The following SAV1 variants were observed in gnomAD, a reference collection of about 807,000 sequenced individuals.
SAV1 encodes the protein protein salvador homolog 1.
SAV1 carries 23 observed loss-of-function variants against 47.3 expected under a neutral mutation model. The observed-to-expected ratio is 0.49, with a 90% CI of 0.35 to 0.69. The LOEUF is 0.69. Among genes scored for constraint, SAV1 ranks in the 30% least tolerant of loss-of-function variants. The pLI, the probability that SAV1 is intolerant of heterozygous loss-of-function variation, is 0.01. For missense variants in SAV1, 448 were observed against 457.4 expected, an observed-to-expected ratio of 0.98 and a Z score of 0.19; for synonymous variants, 155 against 159.2, an observed-to-expected ratio of 0.97 and a Z score of 0.20.
chr14:50,648,006 A>G (rs2039736724), intron 2 of SAV1, among the ~76,000 whole-genome samples: 1 of 152,252 alleles, frequency 6.6e-6, no homozygotes, highest in Admixed American at 6.5e-5. Flanking sequence ...ATTTACAATG[A>G]CTGTATTCAT....
intron 4 of SAV1, among the ~76,000 whole-genome samples, chr14:50,635,745 A>G (rs758156391): frequency 2.6e-5 from 4 of 152,100 alleles, no homozygotes; most frequent in Admixed American, 6.5e-5. Context: ...GAGTCTTGCT[A>G]TGTCACCAGG....
intron 2 of SAV1, among the ~76,000 whole-genome samples, chr14:50,650,883 C>G (rs1234553031): frequency 6.6e-6 from 1 of 152,116 alleles, no homozygotes; most frequent in African/African-American, 2.4e-5. Flanking sequence ...ATTAGCTGGG[C>G]GTGGCGGCAC....
chr14:50,656,421 C>G (rs1236243772), intron 2 of SAV1, among the ~76,000 whole-genome samples: 2 of 149,726 alleles, frequency 1.3e-5, no homozygotes, highest in African/African-American at 2.5e-5. Flanking sequence ...TTAATAATTT[C>G]AAAACATACC....
Position 50,667,876 on chromosome 14 carries a change from C to A in SAV1, c.92G>T (p.Arg31Leu). 6.2e-7 allele frequency: 1 copy of A among 1,612,890 alleles called. No homozygotes were observed. The highest frequency in any genetic ancestry group is 8.5e-7 in the Non-Finnish European group (1 of 1,179,260). ...GGCACGCCCCGCCTGACACTCACTCCGAAGCAGAGGCGACGTCTCCTTCTT... is the reference window on the plus strand; with the variant it reads ...GGCACGCCCCGCCTGACACTCACTCAGAAGCAGAGGCGACGTCTCCTTCTT... ...YVKKETSPLL[R>L]NLMPSFIRHG... The change falls in exon 1 of 5, where the codon CGG becomes CTG. Residue 31 changes from arginine (R) to leucine (L), a missense_variant and splice_region_variant. Physicochemically the swap from Arg to Leu is moderately radical, Grantham distance 102. Transcript: ENST00000324679.
chr14:50,654,055 G>C (rs923195240), intron 2 of SAV1, among the ~76,000 whole-genome samples: 2 of 152,132 alleles, frequency 1.3e-5, no homozygotes, highest in African/African-American at 4.8e-5. Flanking sequence ...TCTCCATATT[G>C]ATGGCTGCTG....
intron 4 of SAV1, among the ~76,000 whole-genome samples, chr14:50,635,718 T>C (rs2039629309): frequency 6.6e-6 from 1 of 152,202 alleles, no homozygotes; most frequent in Non-Finnish European, 1.5e-5. Context: ...TCTTTGTTGG[T>C]TTGTTTTTTT....
At chr14:50,639,214 T>C (rs1228487686) in intron 4 of SAV1, among the ~76,000 whole-genome samples, 1 of 152,228 alleles carries the variant, frequency 6.6e-6, no homozygotes, top group Non-Finnish European at 1.5e-5. Flanking sequence ...GTTTTAGAAG[T>C]ATATGCAAAA....
intron 2 of SAV1, among the ~76,000 whole-genome samples, 161 bp from the exon 3 acceptor site, chr14:50,645,175 T>G (rs1281857145): frequency 6.6e-6 from 1 of 152,180 alleles, no homozygotes. Context: ...CTAGTCGGTA[T>G]TACTATTAAG....
intron 2 of SAV1, among the ~76,000 whole-genome samples, chr14:50,650,131 T>C (rs2039755159): frequency 6.6e-6 from 1 of 152,236 alleles, no homozygotes; most frequent in South Asian, 2.1e-4. Context: ...GATATGTAAG[T>C]GTATGGATAA....
At chr14:50,666,094 C>T (rs981607712) in intron 1 of SAV1, among the ~76,000 whole-genome samples, 6 of 152,144 alleles carry the variant, frequency 3.9e-5, no homozygotes, top group African/African-American at 1.4e-4. Context: ...TAATGCTACT[C>T]CCAAATATGT....
In SAV1 at chr14:50,634,714, G is replaced by T. The variant is rs551503920; in HGVS notation, c.*469C>A. On this transcript the variant is annotated 3_prime_UTR_variant, in exon 5 of 5. Coordinates refer to ENST00000324679, the MANE Select transcript of SAV1 (RefSeq NM_021818.4). Reference sequence around the variant, plus strand: ...ATATATAAATATTTATCACAATAAGGTTCCAAATCCTATTTTATATTTCAA... The same window carrying T: ...ATATATAAATATTTATCACAATAAGTTTCCAAATCCTATTTTATATTTCAA... The T allele has an allele frequency of 6.3e-6, 1 of 159,852 alleles. No homozygotes were observed. The highest frequency in any genetic ancestry group is 1.8e-4 in the South Asian group (1 of 5,522). 9.9% of individuals were successfully genotyped at this position (159,852 alleles called of 1,614,324 possible).
intron 2 of SAV1, among the ~76,000 whole-genome samples, chr14:50,661,842 T>G (rs1030124857): frequency 6.6e-6 from 1 of 152,190 alleles, no homozygotes; most frequent in African/African-American, 2.4e-5. Context: ...ATAGCCTTAT[T>G]TGTGGTTACT....
intron 2 of SAV1, among the ~76,000 whole-genome samples, chr14:50,655,056 G>C (rs2039800926): frequency 6.6e-6 from 1 of 152,190 alleles, no homozygotes; most frequent in Non-Finnish European, 1.5e-5. Context: ...TGGTGAAACT[G>C]ACCTTAGGCT....
rs1397078604 is a variant in SAV1, at chr14:50,640,844, T to A, written c.856A>T (p.Thr286Ser). The A allele has an allele frequency of 6.2e-7, 1 of 1,613,596 alleles. No homozygotes were observed. Among genetic ancestry groups the A allele is most frequent in the Admixed American group, 1.7e-5 (1 of 59,984 alleles). Residue 286 changes from threonine (T) to serine (S), a missense_variant, in exon 4 of 5, where the codon ACT becomes TCT. By Grantham distance (58) the Thr-to-Ser change is moderately conservative (BLOSUM62 1). Transcript: ENST00000324679. ...PPPVTYQPQQ[T>S]ERNQSLLVPA... Reference sequence around the variant, plus strand: ...ACCAGAAGGGACTGATTTCTTTCAGTTTGCTGTGGCTGGTATGTGACAGGA... The same window carrying A: ...ACCAGAAGGGACTGATTTCTTTCAGATTGCTGTGGCTGGTATGTGACAGGA...
chr14:50,635,908 C>T (rs1401638871), intron 4 of SAV1, among the ~76,000 whole-genome samples: 3 of 152,138 alleles, frequency 2.0e-5, no homozygotes, highest in Non-Finnish European at 2.9e-5. Flanking sequence ...AGAGTTTCAC[C>T]ATGTTGGCCA....
rs574048507 is a variant in SAV1, at chr14:50,660,352, T to C, written c.535+4827A>G. Among the ~76,000 whole-genome samples the C allele has an allele frequency of 2.6e-5, 4 of 152,358 alleles. No homozygotes were observed. In the East Asian group the frequency reaches 7.7e-4, roughly 29 times the overall value. On this transcript the variant is annotated intron_variant, in intron 2 of 4. Transcript: ENST00000324679. ...GGCGGTGATGACTCTGAGAAACATT[T>C]CCCATCCTCCTTACTCAGCTGCCTT...
At chr14:50,646,542 C>T (rs533658347) in intron 2 of SAV1, among the ~76,000 whole-genome samples, 94 of 152,112 alleles carry the variant, frequency 6.2e-4, no homozygotes, top group Admixed American at 2.0e-3. Context: ...AAAAATTAGC[C>T]GGGCGTGGTG....
In SAV1 at chr14:50,643,230, A is replaced by C. The variant is rs573270210; in HGVS notation, c.806+1514T>G. ...AAAACTATTAAAATTCTGTAATAAC[A>C]TAAGGTTAATGATGATTGTATTAGT... On this transcript the variant is annotated intron_variant, in intron 3 of 4. Transcript: ENST00000324679. 5.9e-4 allele frequency among the ~76,000 whole-genome samples: 90 copies of C among 152,358 alleles called. 1 individual carries two copies. The South Asian group carries it at 0.018, about 30-fold the overall frequency.
At chr14:50,644,676 A>C in intron 3 of SAV1, 68 bp downstream of exon 3, 1 of 1,404,276 alleles carries the variant, frequency 7.1e-7, no homozygotes, top group Non-Finnish European at 9.6e-7. Flanking sequence ...TTAGATGAAA[A>C]TATCAGTTCA....
Sources: allele counts gnomAD v4.1 joint callset (sites outside exome capture counted in the v4.1 genomes callset), GRCh38; gene constraint gnomAD v4.1.1; transcripts MANE v1.5; gene names NCBI Gene and HGNC (gene_info 2026-07-23, HGNC 2026-07-21).